ARHGAP6: variants seen among roughly 807,000 people sequenced by gnomAD.
ARHGAP6 encodes Rho GTPase activating protein 6.
Under a neutral mutation model 55.7 loss-of-function variants are expected in ARHGAP6, and 16 were observed. The observed-to-expected ratio is 0.29, with a 90% CI of 0.19 to 0.44. The LOEUF (loss-of-function observed/expected upper bound fraction) is 0.44. ARHGAP6 is among the 20% of genes least tolerant of loss of function. The pLI, the probability that ARHGAP6 is intolerant of heterozygous loss-of-function variation, is 1.00. For missense variants in ARHGAP6, 698 were observed against 808.9 expected, an observed-to-expected ratio of 0.86 and a Z score of 1.66; for synonymous variants, 382 against 360.9, an observed-to-expected ratio of 1.06 and a Z score of -0.66.
intron 1 of ARHGAP6, among the ~76,000 whole-genome samples, chrX:11,338,272 T>C (rs190488799): frequency 1.9e-3 from 213 of 111,996 alleles, no homozygotes; most frequent in Non-Finnish European, 3.3e-3. Flanking sequence ...ATTAGGGCAA[T>C]TTGCTTAACT....
chrX:11,510,730 T>A lies in ARHGAP6; in HGVS notation c.588+153511A>T, dbSNP rs1021327234. Among the ~76,000 whole-genome samples the A allele has an allele frequency of 4.5e-5, 5 of 111,538 alleles. No homozygotes were observed. The Admixed American group carries it at 4.8e-4, about 11-fold the overall frequency. ...AGCCAGGAGATGGAAAATTAAGGCC[T>A]TCGAGCCAAATCCAGCTTCTATCAG... On this transcript the variant is annotated intron_variant, in intron 1 of 12. Coordinates refer to ENST00000337414, the MANE Select transcript of ARHGAP6 (RefSeq NM_013427.3).
intron 1 of ARHGAP6, among the ~76,000 whole-genome samples, chrX:11,348,889 C>T (rs187023916): frequency 9.0e-6 from 1 of 111,376 alleles, no homozygotes; most frequent in Non-Finnish European, 1.9e-5. Flanking sequence ...GCTCAAGCAA[C>T]TCTCCTGCCC....
chrX:11,580,925 G>T (rs932008075), intron 1 of ARHGAP6, among the ~76,000 whole-genome samples: 1 of 111,979 alleles, frequency 8.9e-6, no homozygotes, highest in African/African-American at 3.2e-5. Flanking sequence ...CATGGACTAC[G>T]CCATCTGCAA....
chrX:11,531,720 G>T (rs2051051934), intron 1 of ARHGAP6, among the ~76,000 whole-genome samples: 1 of 111,828 alleles, frequency 8.9e-6, no homozygotes, highest in Non-Finnish European at 1.9e-5. Context: ...CAAGCTTTGA[G>T]CTTCAGTTCA....
intron 1 of ARHGAP6, among the ~76,000 whole-genome samples, chrX:11,601,667 T>A (rs1325684974): frequency 1.8e-5 from 2 of 112,103 alleles, no homozygotes; most frequent in Non-Finnish European, 3.8e-5. Flanking sequence ...TAAAACTGAT[T>A]CAACAGAGAT....
At chrX:11,472,550 A>G (rs2050358412) in intron 1 of ARHGAP6, among the ~76,000 whole-genome samples, 1 of 111,614 alleles carries the variant, frequency 9.0e-6, no homozygotes, top group African/African-American at 3.3e-5. Flanking sequence ...AAAGGAACAT[A>G]AAGAAAACAG....
intron 3 of ARHGAP6, among the ~76,000 whole-genome samples, chrX:11,196,530 TCTTTC>T (rs1459415652): frequency 8.9e-6 from 1 of 111,836 alleles, no homozygotes; most frequent in East Asian, 2.8e-4. Context: ...TGAGACTGTT[TCTTTC>T]CAGTAGTGGT....
At chrX:11,609,175 A>T (rs748369039) in intron 1 of ARHGAP6, among the ~76,000 whole-genome samples, 2 of 112,091 alleles carry the variant, frequency 1.8e-5, no homozygotes, top group Non-Finnish European at 3.8e-5. Flanking sequence ...TCATTATCTT[A>T]AATTTGGGTT....
intron 1 of ARHGAP6, among the ~76,000 whole-genome samples, chrX:11,504,856 T>C (rs1193704552): frequency 1.8e-5 from 2 of 112,576 alleles, no homozygotes; most frequent in South Asian, 3.7e-4. Flanking sequence ...AATGTCACAT[T>C]GGAGAAGTTT....
chrX:11,327,583 C>A (rs1354191900), intron 1 of ARHGAP6, among the ~76,000 whole-genome samples: 1 of 111,428 alleles, frequency 9.0e-6, no homozygotes, highest in African/African-American at 3.3e-5. Flanking sequence ...AGTAAAGAGG[C>A]ATTTGAATAC....
intron 1 of ARHGAP6, among the ~76,000 whole-genome samples, chrX:11,510,632 A>C: frequency 9.0e-6 from 1 of 111,383 alleles, no homozygotes; most frequent in Non-Finnish European, 1.9e-5. Context: ...GAATCAGAGT[A>C]AAAAAGCCCA....
intron 1 of ARHGAP6, among the ~76,000 whole-genome samples, chrX:11,559,694 G>A (rs1030746943): frequency 8.1e-5 from 9 of 110,605 alleles, no homozygotes; most frequent in South Asian, 3.9e-4. Context: ...TTGGGAGGCC[G>A]AGGAGGGTGG....
chrX:11,511,722 G>T (rs779306859), intron 1 of ARHGAP6, among the ~76,000 whole-genome samples: 1 of 111,704 alleles, frequency 9.0e-6, no homozygotes, highest in Non-Finnish European at 1.9e-5. Context: ...GTGTGTGGAG[G>T]TGGTAATCAA....
intron 1 of ARHGAP6, among the ~76,000 whole-genome samples, chrX:11,620,606 T>C (rs1040249527): frequency 1.8e-5 from 2 of 112,389 alleles, no homozygotes; most frequent in African/African-American, 6.5e-5. Flanking sequence ...AAAGCTGGAC[T>C]GGATTTGGCA....
chrX:11,401,018 A>T lies in ARHGAP6; in HGVS notation c.589-146311T>A, dbSNP rs138176923. Among the ~76,000 whole-genome samples, 7 of 112,584 alleles carry T rather than the reference A, an allele frequency of 6.2e-5. No homozygotes were observed. In the East Asian group the frequency reaches 2.0e-3, roughly 32 times the overall value. Reference sequence around the variant, plus strand: ...ATAGCAGAATTGCTATTTAAGAATAACATTCTTGTCACATTCATCCACATT... The same window carrying T: ...ATAGCAGAATTGCTATTTAAGAATATCATTCTTGTCACATTCATCCACATT... On this transcript the variant is annotated intron_variant, in intron 1 of 12. Transcript: ENST00000337414.
chrX:11,318,292 T>C (rs2048384059), intron 1 of ARHGAP6, among the ~76,000 whole-genome samples: 1 of 112,303 alleles, frequency 8.9e-6, no homozygotes, highest in South Asian at 3.7e-4. Context: ...CAATTTATTT[T>C]ACTGTTTTAT....
At chrX:11,321,445 T>C (rs1022952600) in intron 1 of ARHGAP6, among the ~76,000 whole-genome samples, 3 of 111,844 alleles carry the variant, frequency 2.7e-5, no homozygotes, top group African/African-American at 9.7e-5. Flanking sequence ...ATTTTGAATA[T>C]AAAAATAGTG....
At chrX:11,239,679 C>A (rs1253045261) in intron 2 of ARHGAP6, among the ~76,000 whole-genome samples, 1 of 111,368 alleles carries the variant, frequency 9.0e-6, no homozygotes, top group Non-Finnish European at 1.9e-5. Flanking sequence ...GTTATCCAGA[C>A]AGTATTTTTC....
At chrX:11,542,429 C>T (rs1178608803) in intron 1 of ARHGAP6, among the ~76,000 whole-genome samples, 2 of 110,389 alleles carry the variant, frequency 1.8e-5, no homozygotes, top group Non-Finnish European at 3.8e-5. Flanking sequence ...GAGCCGAGAT[C>T]GCGCCACTGC....
Sources: allele counts gnomAD v4.1 joint callset (sites outside exome capture counted in the v4.1 genomes callset), GRCh38; gene constraint gnomAD v4.1.1; transcripts MANE v1.5; gene names NCBI Gene and HGNC (gene_info 2026-07-23, HGNC 2026-07-21).